RAPGEF4: variants seen among roughly 807,000 people sequenced by gnomAD.
RAPGEF4 encodes the protein RAP guanine-nucleotide-exchange factor (GEF) 4.
Under a neutral mutation model 147.9 loss-of-function variants are expected in RAPGEF4, and 66 were observed. That is an observed-to-expected ratio of 0.45 (90% CI 0.37 to 0.55). The LOEUF (loss-of-function observed/expected upper bound fraction) is 0.55, where lower values mean the gene tolerates loss of function less well. Among genes scored for constraint, RAPGEF4 ranks in the 20% least tolerant of loss-of-function variants. The pLI is 0.00. For synonymous variants in RAPGEF4, 419 were observed against 442.7 expected (o/e 0.95, Z 0.67); for missense variants, 1,071 against 1,257.3 (o/e 0.85, Z 2.24).
chr2:172,750,628 C>G (rs1038752770), intron 1 of RAPGEF4, among the ~76,000 whole-genome samples: 1 of 152,178 alleles, frequency 6.6e-6, no homozygotes, highest in Non-Finnish European at 1.5e-5. Flanking sequence ...TCCCTTTTCT[C>G]CATGTCCTCA....
intron 10 of RAPGEF4, among the ~76,000 whole-genome samples, chr2:172,983,057 G>C (rs543796488): frequency 1.3e-5 from 2 of 152,162 alleles, no homozygotes; most frequent in Non-Finnish European, 2.9e-5. Context: ...TATTCTGCTA[G>C]GCTAAGATAG....
At position 172,814,417 on chromosome 2, in the gene RAPGEF4, C is replaced by T. The variant is rs772963579; in HGVS notation, c.436C>T (p.Leu146=). 1.2e-6 allele frequency: 2 copies of T among 1,614,034 alleles called. No individual in the cohort carries two copies. Among genetic ancestry groups the T allele is most frequent in the Non-Finnish European group, 1.7e-6 (2 of 1,180,022 alleles). ...LRIEQKDFKA[L]WEKYRQYMAG... is the part of the protein sequence containing the mutation. ...CATCGAGCAGAAGGACTTCAAGGCA[C>T]TATGGGAGGTGAGCCCTAAGGCTTC... Residue 146 remains leucine (L), a synonymous_variant, in exon 4 of 31, where the codon CTA becomes TTA. Transcript: ENST00000397081.
intron 4 of RAPGEF4, among the ~76,000 whole-genome samples, chr2:172,890,115 A>T: frequency 6.6e-6 from 1 of 152,248 alleles, no homozygotes; most frequent in South Asian, 2.1e-4. Context: ...GTCCAATGTG[A>T]ACCGAAAATA....
chr2:173,043,312 A>C (rs905699536), intron 29 of RAPGEF4, among the ~76,000 whole-genome samples: 1 of 152,254 alleles, frequency 6.6e-6, no homozygotes, highest in Non-Finnish European at 1.5e-5. Context: ...AGGATGGTAC[A>C]GATCTTAAGG....
intron 16 of RAPGEF4, among the ~76,000 whole-genome samples, chr2:173,000,154 C>T (rs1176140088): frequency 6.6e-6 from 1 of 152,140 alleles, no homozygotes; most frequent in Admixed American, 6.5e-5. Context: ...TTCTCTGCTT[C>T]TTCTCTGGCT....
At chr2:172,738,311 T>A (rs996226596) in intron 1 of RAPGEF4, among the ~76,000 whole-genome samples, 1 of 152,158 alleles carries the variant, frequency 6.6e-6, no homozygotes, top group African/African-American at 2.4e-5. Context: ...TGCTGGGCAC[T>A]GGGGATGCAA....
intron 6 of RAPGEF4, among the ~76,000 whole-genome samples, chr2:172,926,556 TTTTG>T (rs1043689132): frequency 4.6e-5 from 7 of 152,050 alleles, no homozygotes; most frequent in Non-Finnish European, 8.8e-5. Flanking sequence ...TTTGTGAGTT[TTTTG>T]TTTGTTTATT....
intron 1 of RAPGEF4, among the ~76,000 whole-genome samples, chr2:172,777,580 AC>A (rs555095677): frequency 1.3e-4 from 19 of 150,340 alleles, no homozygotes; most frequent in African/African-American, 3.4e-4. Flanking sequence ...ACTTAAGAAG[AC>A]CCCCCCCATG....
At chr2:172,773,383 G>A (rs1683825123) in intron 1 of RAPGEF4, among the ~76,000 whole-genome samples, 1 of 152,188 alleles carries the variant, frequency 6.6e-6, no homozygotes, top group Non-Finnish European at 1.5e-5. Flanking sequence ...TTCATATGAT[G>A]TTCTAATAAA....
chr2:172,994,190 T>C (rs1358168265), intron 15 of RAPGEF4, among the ~76,000 whole-genome samples: 2 of 152,214 alleles, frequency 1.3e-5, no homozygotes, highest in African/African-American at 4.8e-5. Flanking sequence ...TTTCCCCCCA[T>C]TCAGTTTTCA....
At chr2:172,994,880 C>G (rs1693173488) in intron 15 of RAPGEF4, among the ~76,000 whole-genome samples, 1 of 149,728 alleles carries the variant, frequency 6.7e-6, no homozygotes, top group South Asian at 2.1e-4. Flanking sequence ...TATTCCCCTT[C>G]TCTCCTCCTC....
chr2:172,821,474 C>T, intron 4 of RAPGEF4: 1 of 713,818 alleles, frequency 1.4e-6, no homozygotes, highest in Non-Finnish European at 1.7e-6. Context: ...CATCAAAGGA[C>T]TAAGAAAAAT....
At chr2:172,750,315 G>C (rs981085342) in intron 1 of RAPGEF4, among the ~76,000 whole-genome samples, 1 of 151,990 alleles carries the variant, frequency 6.6e-6, no homozygotes, top group Non-Finnish European at 1.5e-5. Flanking sequence ...ACAATTCCAC[G>C]TGGCTGGGGA....
intron 16 of RAPGEF4, among the ~76,000 whole-genome samples, chr2:172,999,479 G>T (rs1396207613): frequency 2.0e-5 from 3 of 152,246 alleles, no homozygotes; most frequent in East Asian, 3.9e-4. Context: ...TCATAAAAAT[G>T]CACACTGCTG....
At chr2:172,967,600 C>G (rs1185153765) in intron 10 of RAPGEF4, among the ~76,000 whole-genome samples, 156 bp downstream of exon 10, 1 of 152,176 alleles carries the variant, frequency 6.6e-6, no homozygotes, top group Non-Finnish European at 1.5e-5. Flanking sequence ...GTGCTTGTCT[C>G]TGTTATTTTA....
intron 10 of RAPGEF4, among the ~76,000 whole-genome samples, chr2:172,968,756 G>T (rs960991965): frequency 1.3e-5 from 2 of 152,184 alleles, no homozygotes; most frequent in African/African-American, 4.8e-5. Flanking sequence ...CCCAGCCAAT[G>T]TATGCTTTCT....
intron 6 of RAPGEF4, 44 bp from the exon 7 acceptor site, chr2:172,960,716 A>G: frequency 6.9e-7 from 1 of 1,455,854 alleles, no homozygotes; most frequent in South Asian, 1.3e-5. Context: ...TCTTCAGTGA[A>G]CTTTTTGTTT....
chr2:172,842,706 A>G (rs577966300), intron 4 of RAPGEF4, among the ~76,000 whole-genome samples: 7 of 152,338 alleles, frequency 4.6e-5, no homozygotes, highest in African/African-American at 1.4e-4. Flanking sequence ...AACCAGGCAG[A>G]AGCTTCTTCA....
At chr2:172,895,516 A>G (rs1006286576) in intron 4 of RAPGEF4, among the ~76,000 whole-genome samples, 14 of 152,318 alleles carry the variant, frequency 9.2e-5, no homozygotes, top group African/African-American at 3.1e-4. Context: ...AAGCCCCCAA[A>G]AAGGCTTATT....
Sources: allele counts gnomAD v4.1 joint callset (sites outside exome capture counted in the v4.1 genomes callset), GRCh38; gene constraint gnomAD v4.1.1; transcripts MANE v1.5; gene names NCBI Gene and HGNC (gene_info 2026-07-23, HGNC 2026-07-21).